FNBP1L: variants seen among roughly 807,000 people sequenced by gnomAD.
The protein encoded by FNBP1L is formin-binding protein 1-like.
FNBP1L carries 36 observed loss-of-function variants against 91.2 expected under a neutral mutation model. The observed-to-expected ratio is 0.39, with a 90% CI of 0.30 to 0.52. The LOEUF is 0.52. FNBP1L is among the 20% of genes least tolerant of loss of function. The pLI, the probability that FNBP1L is intolerant of heterozygous loss-of-function variation, is 0.66. For synonymous variants in FNBP1L, 242 were observed against 237.0 expected, an observed-to-expected ratio of 1.02 and a Z score of -0.19; for missense variants, 571 against 732.1, an observed-to-expected ratio of 0.78 and a Z score of 2.54.
Position 93,448,162 on chromosome 1 carries a change from C to G in FNBP1L, c.-120C>G. Reference sequence around the variant, plus strand: ...ACTGGGGAGCCCGGCGGTGGCGGCACCTTTCGAGGTAGACCCGCTGAGCTG... The same window carrying G: ...ACTGGGGAGCCCGGCGGTGGCGGCAGCTTTCGAGGTAGACCCGCTGAGCTG... On this transcript the variant is annotated 5_prime_UTR_variant, in exon 1 of 17. Coordinates refer to ENST00000271234, the MANE Select transcript of FNBP1L (RefSeq NM_001164473.3). The G allele has an allele frequency of 7.6e-7, 1 of 1,309,516 alleles. No homozygotes were observed. The allele number at this position is 1,309,516 out of a possible 1,614,324, so 81.1% of individuals were successfully genotyped here. A position where few individuals can be genotyped will look rare whatever the true frequency, so the allele number is the denominator to read the frequency against.
chr1:93,470,240 C>T (rs550798010), intron 1 of FNBP1L, among the ~76,000 whole-genome samples: 1 of 152,026 alleles, frequency 6.6e-6, no homozygotes, highest in African/African-American at 2.4e-5. Context: ...AAGTGAGCAT[C>T]CTATCTTAGC....
chr1:93,483,992 G>T (rs539697227), intron 1 of FNBP1L, among the ~76,000 whole-genome samples: 1 of 152,320 alleles, frequency 6.6e-6, no homozygotes, highest in African/African-American at 2.4e-5. Context: ...GCAGTGATGT[G>T]ATCTTGGCTC....
In FNBP1L at chr1:93,544,147, A is replaced by G. The variant is rs765169085; in HGVS notation, c.1205A>G (p.Gln402Arg). ...LEDFSHLPPE[Q>R]RRKKLQQRID... ...GATTTCAGTCATCTGCCACCAGAAC[A>G]GAGACGTAAAAAACTACAGCAGCGC... Residue 402 changes from glutamine (Q) to arginine (R), a missense_variant, in exon 12 of 17, where the codon CAG becomes CGG. By Grantham distance (43) the Gln-to-Arg change is conservative. Coordinates refer to ENST00000271234, the MANE Select transcript of FNBP1L (RefSeq NM_001164473.3). 6.2e-7 allele frequency: 1 copy of G among 1,612,440 alleles called. No individual in the cohort carries two copies. Among genetic ancestry groups the G allele is most frequent in the Non-Finnish European group, 8.5e-7 (1 of 1,178,984 alleles).
At chr1:93,534,164 TTGC>T (rs1671771612) in intron 8 of FNBP1L, among the ~76,000 whole-genome samples, 1 of 152,192 alleles carries the variant, frequency 6.6e-6, no homozygotes, top group Non-Finnish European at 1.5e-5. Flanking sequence ...CTTTTCCCTG[TTGC>T]TCTGTTAACA....
intron 1 of FNBP1L, among the ~76,000 whole-genome samples, chr1:93,461,783 A>G (rs1668874748): frequency 6.6e-6 from 1 of 152,210 alleles, no homozygotes; most frequent in Admixed American, 6.5e-5. Context: ...GGCTTTGTAG[A>G]GGGAAAACAA....
chr1:93,529,634 T>G lies in FNBP1L; in HGVS notation c.406-18T>G. 7.2e-7 allele frequency: 1 copy of G among 1,384,224 alleles called. No homozygotes were observed. The highest frequency in any genetic ancestry group is 9.7e-7 in the Non-Finnish European group (1 of 1,030,436). The allele number at this position is 1,384,224 out of a possible 1,614,324, so 85.7% of individuals were successfully genotyped here. A position where few individuals can be genotyped will look rare whatever the true frequency, so the allele number is the denominator to read the frequency against. ...CTGATTTTATTTTCTCAGTGTGATA[T>G]TTTAATTTTTTTAACAGAGTAAAAA... On this transcript the variant is annotated intron_variant, in intron 5 of 16. Transcript: ENST00000271234.
intron 2 of FNBP1L, among the ~76,000 whole-genome samples, chr1:93,517,465 T>G (rs1414834974): frequency 1.3e-5 from 2 of 152,138 alleles, no homozygotes; most frequent in East Asian, 3.9e-4. Context: ...GCACTGAGAT[T>G]GCAGGCGTGA....
At chr1:93,504,943 TTATC>T (rs1376727244) in intron 2 of FNBP1L, among the ~76,000 whole-genome samples, 1 of 152,068 alleles carries the variant, frequency 6.6e-6, no homozygotes, top group African/African-American at 2.4e-5. Flanking sequence ...TTGATGTAGT[TTATC>T]TATTTTTATT....
At chr1:93,547,214 G>A in intron 13 of FNBP1L, 133 bp from the exon 14 acceptor site, 1 of 902,364 alleles carries the variant, frequency 1.1e-6, no homozygotes, top group South Asian at 1.8e-5. Flanking sequence ...CCTTTGACCA[G>A]TTTGGAATAA....
chr1:93,455,383 C>T (rs1334734293), intron 1 of FNBP1L, among the ~76,000 whole-genome samples: 1 of 152,188 alleles, frequency 6.6e-6, no homozygotes, highest in African/African-American at 2.4e-5. Context: ...GAGACAAGGT[C>T]TCGCTGTATT....
At chr1:93,495,836 T>A (rs565529710) in intron 1 of FNBP1L, among the ~76,000 whole-genome samples, 26 of 152,360 alleles carry the variant, frequency 1.7e-4, no homozygotes, top group Middle Eastern at 3.4e-3. Flanking sequence ...ATAATTTTGT[T>A]GCTGAAAATG....
chr1:93,527,734 T>C (rs778051925), intron 5 of FNBP1L, among the ~76,000 whole-genome samples: 6 of 151,888 alleles, frequency 4.0e-5, no homozygotes, highest in Non-Finnish European at 7.4e-5. Context: ...AGAGCAGATA[T>C]CCAAGGATCC....
rs1371318425 is a variant in FNBP1L at position 93,536,423 on chromosome 1, A to T, written c.1082A>T (p.His361Leu). 6.4e-7 allele frequency: 1 copy of T among 1,550,876 alleles called. No homozygotes were observed. Among genetic ancestry groups the T allele is most frequent in the African/African-American group, 1.4e-5 (1 of 73,096 alleles). ...QFLTFSIEPV[H>L]YCMNEIKTGK... ...CTCACATTCTCCATTGAGCCCGTGC[A>T]TTATTGTATGAATGAAATAAAAACA... is the stretch of plus-strand genomic sequence containing the variant. Residue 361 changes from histidine (H) to leucine (L), a missense_variant, in exon 10 of 17, where the codon CAT becomes CTT. This residue lies in a region of FNBP1L where 150 missense variants were observed against 155.9 expected (regional missense o/e 0.96). Transcript: ENST00000271234.
intron 1 of FNBP1L, among the ~76,000 whole-genome samples, chr1:93,455,363 A>G (rs1668624973): frequency 6.6e-6 from 1 of 152,170 alleles, no homozygotes; most frequent in Non-Finnish European, 1.5e-5. Context: ...TAGCTAATGT[A>G]TCTTTTGTAG....
chr1:93,458,159 G>C (rs1350427201), intron 1 of FNBP1L, among the ~76,000 whole-genome samples: 1 of 151,842 alleles, frequency 6.6e-6, no homozygotes. Context: ...GTGTTTTTTT[G>C]GTTTTGTTTT....
At chr1:93,460,994 A>G (rs1169793717) in intron 1 of FNBP1L, among the ~76,000 whole-genome samples, 2 of 152,186 alleles carry the variant, frequency 1.3e-5, no homozygotes, top group Non-Finnish European at 2.9e-5. Flanking sequence ...TTATCTTTGC[A>G]TAATATCTGT....
intron 1 of FNBP1L, among the ~76,000 whole-genome samples, chr1:93,452,990 TC>T: frequency 6.6e-6 from 1 of 152,278 alleles, no homozygotes; most frequent in Non-Finnish European, 1.5e-5. Flanking sequence ...TACTGTAAAC[TC>T]CAAAATACTT....
At chr1:93,482,926 G>C (rs1425694895) in intron 1 of FNBP1L, among the ~76,000 whole-genome samples, 1 of 151,702 alleles carries the variant, frequency 6.6e-6, no homozygotes, top group Non-Finnish European at 1.5e-5. Flanking sequence ...GCTGAGGCAG[G>C]AGAATGGCTT....
intron 1 of FNBP1L, among the ~76,000 whole-genome samples, chr1:93,467,296 A>G (rs1669115777): frequency 3.9e-5 from 6 of 152,246 alleles, no homozygotes; most frequent in Admixed American, 2.0e-4. Flanking sequence ...TACAGTGAAT[A>G]TTATTCAGCC....
Sources: allele counts gnomAD v4.1 joint callset (sites outside exome capture counted in the v4.1 genomes callset), GRCh38; gene constraint gnomAD v4.1.1; regional missense constraint gnomAD v4.1.1; transcripts MANE v1.5; gene names NCBI Gene and HGNC (gene_info 2026-07-23, HGNC 2026-07-21).